Variants in BCL2 observed in about 807,000 individuals in gnomAD.
BCL2 encodes apoptosis regulator Bcl-2.
A neutral mutation model predicts 14.2 loss-of-function variants in BCL2; 1 was observed. The ratio of observed to expected loss-of-function variants is 0.07; its 90% CI spans 0.02 to 0.33. BCL2 has a LOEUF of 0.33. Among genes scored for constraint, BCL2 ranks in the 10% least tolerant of loss-of-function variants. The probability of loss-of-function intolerance (pLI) is 0.99; values close to 1 mark genes in which losing one functional copy is unlikely to be tolerated. For missense variants in BCL2, 247 were observed against 305.9 expected, an observed-to-expected ratio of 0.81 and a Z score of 1.44; for synonymous variants, 151 against 137.2, an observed-to-expected ratio of 1.10 and a Z score of -0.70.
intron 2 of BCL2, among the ~76,000 whole-genome samples, chr18:63,174,083 C>T (rs1915292790): frequency 6.6e-6 from 1 of 152,132 alleles, no homozygotes; most frequent in Non-Finnish European, 1.5e-5. Flanking sequence ...AGGATGCACA[C>T]ACACATCTAT....
intron 2 of BCL2, among the ~76,000 whole-genome samples, chr18:63,258,528 A>T (rs919139366): frequency 2.0e-5 from 3 of 152,208 alleles, no homozygotes; most frequent in African/African-American, 4.8e-5. Context: ...ATCATCTTTT[A>T]AAAAGTATAA....
In BCL2 at chr18:63,290,217, T is replaced by C. The variant is rs182739798; in HGVS notation, c.585+27865A>G. Among the ~76,000 whole-genome samples, 83 of 152,292 alleles carry C rather than the reference T, an allele frequency of 5.5e-4. No homozygotes were observed. In the East Asian group the frequency reaches 0.013, roughly 25 times the overall value. ...AGTCTTGGATTAAATATTTTGATTATGTGTTTAATTTGAACTGCCAACAGG... is the reference window on the plus strand; with the variant it reads ...AGTCTTGGATTAAATATTTTGATTACGTGTTTAATTTGAACTGCCAACAGG... On this transcript the variant is annotated intron_variant, in intron 2 of 2. Transcript: ENST00000333681.
intron 2 of BCL2, among the ~76,000 whole-genome samples, chr18:63,131,663 T>C (rs751574574): frequency 3.3e-5 from 5 of 152,168 alleles, no homozygotes; most frequent in Non-Finnish European, 5.9e-5. Context: ...ACCCCAAATT[T>C]GTCAGGGCAC....
At chr18:63,274,846 T>C (rs1022381554) in intron 2 of BCL2, among the ~76,000 whole-genome samples, 3 of 152,164 alleles carry the variant, frequency 2.0e-5, no homozygotes, top group African/African-American at 7.2e-5. Context: ...GATGGGTAAA[T>C]ATAAATAAAA....
At chr18:63,255,840 C>A (rs1249671268) in intron 2 of BCL2, among the ~76,000 whole-genome samples, 1 of 151,156 alleles carries the variant, frequency 6.6e-6, no homozygotes, top group Admixed American at 6.6e-5. Context: ...CCCCCCGCCA[C>A]ACACACAAAC....
intron 2 of BCL2, among the ~76,000 whole-genome samples, chr18:63,212,322 T>C (rs138154447): frequency 0.011 from 1,686 of 151,520 alleles, 44 homozygotes; most frequent in African/African-American, 0.039. Context: ...AGCGAGACTC[T>C]GTCTCAAACA....
At chr18:63,216,842 A>G (rs1483839783) in intron 2 of BCL2, among the ~76,000 whole-genome samples, 1 of 152,246 alleles carries the variant, frequency 6.6e-6, no homozygotes, top group East Asian at 1.9e-4. Flanking sequence ...TCAACATAAC[A>G]AATCTACGAT....
rs940645902 is a variant in BCL2 at position 63,123,782 on chromosome 18, T to G, written c.*4843A>C. ...AAAGAAATGCAATCCACTGTCACTC[T>G]TGCAAATTCTACCTTGGAGGGAAAA... On this transcript the variant is annotated 3_prime_UTR_variant, in exon 3 of 3. Transcript: ENST00000333681. 18 of 219,062 alleles carry G rather than the reference T, an allele frequency of 8.2e-5. No homozygotes were observed. Among genetic ancestry groups the G allele is most frequent in the African/African-American group, 3.8e-4 (17 of 44,546 alleles). 13.6% of individuals were successfully genotyped at this position (219,062 alleles called of 1,614,324 possible).
chr18:63,280,311 A>G (rs1912274184), intron 2 of BCL2, among the ~76,000 whole-genome samples: 1 of 152,220 alleles, frequency 6.6e-6, no homozygotes, highest in Non-Finnish European at 1.5e-5. Flanking sequence ...CTATTAAATG[A>G]AGGTGATAAT....
rs533534423 is a variant in BCL2 at position 63,262,071 on chromosome 18, C to T, written c.585+56011G>A. 2.5e-4 allele frequency among the ~76,000 whole-genome samples: 33 copies of T among 131,618 alleles called. No homozygotes were observed. The East Asian group carries it at 2.8e-3, about 11-fold the overall frequency. 86.3% of individuals were successfully genotyped at this position (131,618 alleles called of 152,430 possible). On this transcript the variant is annotated intron_variant, in intron 2 of 2. Coordinates refer to ENST00000333681, the MANE Select transcript of BCL2 (RefSeq NM_000633.3). ...CTGGGATTACAGGCATGAGCCACTG[C>T]GCCCAGCCAATTTTTTTATATTTTT...
At chr18:63,155,838 T>C (rs1445792711) in intron 2 of BCL2, among the ~76,000 whole-genome samples, 3 of 152,086 alleles carry the variant, frequency 2.0e-5, no homozygotes, top group African/African-American at 7.2e-5. Flanking sequence ...AGAGTGCTTG[T>C]CGCACCCTCT....
intron 2 of BCL2, among the ~76,000 whole-genome samples, chr18:63,198,549 CACAT>C (rs1909534712): frequency 6.9e-6 from 1 of 145,016 alleles, no homozygotes; most frequent in Non-Finnish European, 1.5e-5. Context: ...CACACAGACA[CACAT>C]AGACACAGAC....
At chr18:63,286,919 C>G (rs924680230) in intron 2 of BCL2, among the ~76,000 whole-genome samples, 4 of 152,124 alleles carry the variant, frequency 2.6e-5, no homozygotes, top group African/African-American at 9.7e-5. Context: ...AAAGACACCT[C>G]CTACAACACG....
At chr18:63,211,803 C>T (rs1487961740) in intron 2 of BCL2, among the ~76,000 whole-genome samples, 1 of 152,228 alleles carries the variant, frequency 6.6e-6, no homozygotes, top group African/African-American at 2.4e-5. Context: ...GGAGCCATGC[C>T]ACGCAAAGGT....
chr18:63,318,954 T>C lies in BCL2; in HGVS notation c.-286-2A>G, dbSNP rs189636103. ...TATCAGTCTACTTCCTCTGTGATGC[T>C]GAAAGGTTAAAGAAAAAACAAACTA... On this transcript the variant is annotated splice_acceptor_variant, in intron 1 of 2. Transcript: ENST00000333681. LOFTEE classifies it low-confidence loss of function (5UTR_SPLICE). The surrounding 1 kb of genome is among the most constrained non-coding windows in gnomAD (Gnocchi z 7.4). The C allele has an allele frequency of 2.0e-5, 26 of 1,305,794 alleles. No homozygotes were observed. Among genetic ancestry groups the C allele is most frequent in the African/African-American group, 1.2e-4 (8 of 65,318 alleles). The allele number at this position is 1,305,794 out of a possible 1,614,324, so 80.9% of individuals were successfully genotyped here.
At chr18:63,261,606 A>G (rs1911660893) in intron 2 of BCL2, among the ~76,000 whole-genome samples, 1 of 152,130 alleles carries the variant, frequency 6.6e-6, no homozygotes, top group Admixed American at 6.6e-5. Context: ...ACATAGAAAT[A>G]AAAACGGTCT....
At chr18:63,214,631 T>TAA (rs71162605) in intron 2 of BCL2, among the ~76,000 whole-genome samples, 30 of 148,696 alleles carry the variant, frequency 2.0e-4, no homozygotes, top group Middle Eastern at 3.4e-3. Flanking sequence ...TGTCGGGTAA[T>TAA]AAAAAAAAAA....
chr18:63,174,252 C>T (rs1915296212), intron 2 of BCL2, among the ~76,000 whole-genome samples: 2 of 152,286 alleles, frequency 1.3e-5, no homozygotes, highest in African/African-American at 4.8e-5. Context: ...GCAGTTGTTT[C>T]ACTTAATGCT....
intron 2 of BCL2, among the ~76,000 whole-genome samples, chr18:63,293,343 G>A (rs1284593056): frequency 6.6e-6 from 1 of 152,194 alleles, no homozygotes; most frequent in Admixed American, 6.5e-5. Flanking sequence ...GCTGTGAAGG[G>A]AGGGTGGAGT....
Sources: allele counts gnomAD v4.1 joint callset (sites outside exome capture counted in the v4.1 genomes callset), GRCh38; gene constraint gnomAD v4.1.1; non-coding constraint Gnocchi (gnomAD v3.1); transcripts MANE v1.5; gene names NCBI Gene and HGNC (gene_info 2026-07-23, HGNC 2026-07-21).